Variants in DDX10 observed in about 807,000 individuals in gnomAD.
DDX10 encodes the protein probable ATP-dependent RNA helicase DDX10.
Under a neutral mutation model 104.3 loss-of-function variants are expected in DDX10, and 74 were observed. The ratio of observed to expected loss-of-function variants is 0.71; its 90% confidence interval spans 0.59 to 0.86. The LOEUF (loss-of-function observed/expected upper bound fraction) is 0.86, where lower values mean the gene tolerates loss of function less well. Ranked by LOEUF, DDX10 falls within the 40% of genes least tolerant of loss-of-function variation. The probability of loss-of-function intolerance (pLI) is 0.00; values close to 1 mark genes in which losing one functional copy is unlikely to be tolerated. For synonymous variants in DDX10, 351 were observed against 353.4 expected (o/e 0.99, Z 0.08); for missense variants, 952 against 1,040.0 (o/e 0.92, Z 1.16).
intron 13 of DDX10, among the ~76,000 whole-genome samples, chr11:108,743,700 C>T (rs568309118): frequency 2.0e-4 from 31 of 152,208 alleles, no homozygotes; most frequent in African/African-American, 7.2e-4. Context: ...AAAGGGTGTG[C>T]GTGCTAATTA....
intron 16 of DDX10, among the ~76,000 whole-genome samples, chr11:108,854,954 A>G (rs915156306): frequency 1.9e-5 from 2 of 107,222 alleles, no homozygotes; most frequent in Admixed American, 2.2e-4. Context: ...TTGTTAAAAG[A>G]TAGATCTAAG....
At chr11:108,785,795 C>T (rs574816069) in intron 13 of DDX10, among the ~76,000 whole-genome samples, 1 of 152,074 alleles carries the variant, frequency 6.6e-6, no homozygotes, top group African/African-American at 2.4e-5. Context: ...TCCGATTGTG[C>T]TTATTTGGAT....
At chr11:108,677,265 C>G in intron 4 of DDX10, 22 bp downstream of exon 4, 3 of 1,599,296 alleles carry the variant, frequency 1.9e-6, no homozygotes, top group Non-Finnish European at 2.6e-6. Flanking sequence ...TGTCTATGTC[C>G]TTCCTTTCCT....
intron 13 of DDX10, chr11:108,822,622 ATCT>A (rs1400714262): frequency 1.2e-5 from 2 of 163,352 alleles, no homozygotes; most frequent in African/African-American, 4.8e-5. Context: ...CTGAACAAAA[ATCT>A]TCTTGCCTTT....
intron 13 of DDX10, among the ~76,000 whole-genome samples, chr11:108,802,187 G>A (rs1259168478): frequency 7.2e-5 from 11 of 151,942 alleles, no homozygotes; most frequent in Admixed American, 6.6e-4. Flanking sequence ...TTGGGTTTTG[G>A]ATTTTTTTTT....
In DDX10 at chr11:108,801,210, A is replaced by G. The variant is rs371111902; in HGVS notation, c.1966-37236A>G. Reference sequence around the variant, plus strand: ...GCTTAACTGGACTGTGTATTCTAACAATATTAGAATATAACAAAAAAATCT... The same window carrying G: ...GCTTAACTGGACTGTGTATTCTAACGATATTAGAATATAACAAAAAAATCT... On this transcript the variant is annotated intron_variant, in intron 13 of 17. Coordinates refer to ENST00000322536, the MANE Select transcript of DDX10 (RefSeq NM_004398.4). Among the ~76,000 whole-genome samples the G allele has an allele frequency of 3.9e-5, 6 of 152,316 alleles. No homozygotes were observed. The East Asian group carries it at 9.6e-4, about 24-fold the overall frequency.
At chr11:108,912,699 A>G (rs1171470682) in intron 16 of DDX10, among the ~76,000 whole-genome samples, 2 of 152,128 alleles carry the variant, frequency 1.3e-5, no homozygotes, top group African/African-American at 4.8e-5. Context: ...CCTCCTCACA[A>G]TTTGCCCACA....
At chr11:108,883,459 T>C (rs1863253887) in intron 16 of DDX10, among the ~76,000 whole-genome samples, 1 of 152,194 alleles carries the variant, frequency 6.6e-6, no homozygotes, top group Non-Finnish European at 1.5e-5. Flanking sequence ...TTGGGGATTT[T>C]GTTCCAGGAT....
chr11:108,691,038 A>G (rs2134450073), intron 7 of DDX10: 1 of 152,346 alleles, frequency 6.6e-6, no homozygotes, highest in South Asian at 2.1e-4. Context: ...CTTGCCTGAT[A>G]TATTGTCCCA....
chr11:108,928,070 G>T (rs1261947562), intron 17 of DDX10, among the ~76,000 whole-genome samples: 5 of 152,178 alleles, frequency 3.3e-5, no homozygotes, highest in African/African-American at 1.2e-4. Context: ...TTTAAAGTAT[G>T]CTGTTTACCA....
rs532251967 is a variant in DDX10 at position 108,874,611 on chromosome 11, A to G, written c.2304+22402A>G. 7.9e-5 allele frequency among the ~76,000 whole-genome samples: 12 copies of G among 151,950 alleles called. 1 individual carries two copies. In the South Asian group the frequency reaches 2.5e-3, roughly 32 times the overall value. ...GTTCTTGAACTTCTGGCCTTAAGCCATCCTCCCACCTCAGTCTCCCAAAAT... is the reference window on the plus strand; with the variant it reads ...GTTCTTGAACTTCTGGCCTTAAGCCGTCCTCCCACCTCAGTCTCCCAAAAT... On this transcript the variant is annotated intron_variant, in intron 16 of 17. Transcript: ENST00000322536.
At chr11:108,672,154 A>C (rs563136402) in intron 1 of DDX10, among the ~76,000 whole-genome samples, 1 of 151,706 alleles carries the variant, frequency 6.6e-6, no homozygotes, top group African/African-American at 2.4e-5. Flanking sequence ...TCATTCTTCT[A>C]AACTTTCCCT....
intron 16 of DDX10, among the ~76,000 whole-genome samples, chr11:108,893,879 G>A (rs115674336): frequency 0.01 from 1,545 of 152,146 alleles, 22 homozygotes; most frequent in African/African-American, 0.036. Context: ...GTATGCAGTG[G>A]ATAGTTAGTT....
chr11:108,926,267 G>C (rs1164346039), intron 17 of DDX10, among the ~76,000 whole-genome samples: 1 of 152,100 alleles, frequency 6.6e-6, no homozygotes, highest in Non-Finnish European at 1.5e-5. Flanking sequence ...AAAAATGATG[G>C]CATGGGTGTG....
chr11:108,922,584 G>T (rs1200570294), intron 17 of DDX10, among the ~76,000 whole-genome samples: 2 of 152,236 alleles, frequency 1.3e-5, no homozygotes, highest in African/African-American at 2.4e-5. Context: ...GGCTGACAGG[G>T]TTTTAAAGAG....
intron 1 of DDX10, among the ~76,000 whole-genome samples, chr11:108,669,361 G>T (rs1454386939): frequency 6.6e-6 from 1 of 152,170 alleles, no homozygotes; most frequent in East Asian, 1.9e-4. Context: ...ATTCCAAAGT[G>T]CTGGGATTAC....
chr11:108,666,082 A>G (rs1565239244), intron 1 of DDX10, among the ~76,000 whole-genome samples: 1 of 152,088 alleles, frequency 6.6e-6, no homozygotes, highest in African/African-American at 2.4e-5. Flanking sequence ...AGGTCTGTCA[A>G]TTCCTCTTTT....
chr11:108,779,798 C>T (rs2094375715), intron 13 of DDX10, among the ~76,000 whole-genome samples: 1 of 152,062 alleles, frequency 6.6e-6, no homozygotes, highest in African/African-American at 2.4e-5. Flanking sequence ...AATTTCGCTG[C>T]AAAAAAGTTG....
chr11:108,804,256 G>C (rs1862065918), intron 13 of DDX10, among the ~76,000 whole-genome samples: 1 of 152,124 alleles, frequency 6.6e-6, no homozygotes, highest in South Asian at 2.1e-4. Context: ...CTAGCACTTT[G>C]AGAGGCCGAG....
Sources: gnomAD v4.1 joint callset for allele counts (sites outside exome capture counted in the v4.1 genomes callset) on GRCh38, gnomAD v4.1.1 for gene constraint, MANE v1.5 for transcripts, NCBI Gene and HGNC (gene_info 2026-07-23, HGNC 2026-07-21) for gene names.